FNDC3B: variants seen among roughly 807,000 people sequenced by gnomAD.
FNDC3B encodes the protein fibronectin type III domain-containing protein 3B.
Under a neutral mutation model 151.5 loss-of-function variants are expected in FNDC3B, and 12 were observed. That is an observed-to-expected ratio of 0.08 (90% confidence interval 0.05 to 0.13). FNDC3B has a LOEUF of 0.13. Ranked by LOEUF, FNDC3B falls within the 10% of genes least tolerant of loss-of-function variation. The pLI, the probability that FNDC3B is intolerant of heterozygous loss-of-function variation, is 1.00. For synonymous variants in FNDC3B, 528 were observed against 549.0 expected (o/e 0.96, Z 0.54); for missense variants, 1,214 against 1,505.3 (o/e 0.81, Z 3.20).
At position 172,251,411 on chromosome 3, in the gene FNDC3B, A is replaced by G. The variant is rs1728068605; in HGVS notation, c.660A>G (p.Thr220=). ...CTATCTACAAAAGCAGCTGCACAAC[A>G]GTATACAATGGCTATGGGAAGGGCC... is the stretch of plus-strand genomic sequence containing the variant. ...PSSIYKSSCT[T]VYNGYGKGHS... is the part of the protein sequence containing the mutation. Residue 220 remains threonine (T), a synonymous_variant, in exon 6 of 26, where the codon ACA becomes ACG. Transcript: ENST00000415807. 1.2e-6 allele frequency: 2 copies of G among 1,613,970 alleles called. No individual in the cohort carries two copies. Among genetic ancestry groups the G allele is most frequent in the Non-Finnish European group, 1.7e-6 (2 of 1,180,008 alleles).
chr3:172,060,736 G>A (rs1220321906), intron 1 of FNDC3B, among the ~76,000 whole-genome samples: 1 of 152,204 alleles, frequency 6.6e-6, no homozygotes, highest in African/African-American at 2.4e-5. Context: ...TGCTCAGCAA[G>A]TGTTTATTGA....
chr3:172,102,547 A>G (rs948048942), intron 1 of FNDC3B, among the ~76,000 whole-genome samples: 1 of 152,222 alleles, frequency 6.6e-6, no homozygotes, highest in Non-Finnish European at 1.5e-5. Flanking sequence ...GAAGTCATGT[A>G]CTTAAGCAGC....
At position 172,343,015 on chromosome 3, in the gene FNDC3B, C is replaced by G. The variant is rs1733413360; in HGVS notation, c.1976C>G (p.Ser659Cys). The stretch of plus-strand genomic sequence containing the variant: ...TCTCTGGTGTTTCTCCTGCAGTGTT[C>G]TGAAAGTCTCCCTGTTCGCACACTA... ...CISTGGHSQC[S>C]ESLPVRTLSI... The change falls in exon 18 of 26, where the codon TCT (serine) becomes TGT (cysteine). Residue 659 changes from serine (S) to cysteine (C), a missense_variant. This residue lies in a region of FNDC3B where 380 missense variants were observed against 420.9 expected (regional missense o/e 0.90). Transcript: ENST00000415807. 1 of 1,602,996 alleles carries G rather than the reference C, an allele frequency of 6.2e-7. No homozygotes were observed. Among genetic ancestry groups the G allele is most frequent in the Admixed American group, 1.7e-5 (1 of 59,988 alleles).
chr3:172,113,201 T>G (rs1379100534), intron 2 of FNDC3B, among the ~76,000 whole-genome samples: 1 of 152,254 alleles, frequency 6.6e-6, no homozygotes, highest in East Asian at 1.9e-4. Context: ...TCTCTAACAT[T>G]AATTAAAAAT....
At chr3:172,369,878 C>T (rs1734801616) in intron 23 of FNDC3B, among the ~76,000 whole-genome samples, 1 of 152,074 alleles carries the variant, frequency 6.6e-6, no homozygotes, top group Non-Finnish European at 1.5e-5. Context: ...CAAATGCCAC[C>T]TGAGTAACAT....
intron 6 of FNDC3B, among the ~76,000 whole-genome samples, chr3:172,262,931 A>G (rs76592127): frequency 0.029 from 4,245 of 147,748 alleles, 222 homozygotes; most frequent in African/African-American, 0.1. Flanking sequence ...AAGCACTAGA[A>G]AGTTGGGAGA....
chr3:172,361,906 A>C (rs535881986), intron 22 of FNDC3B, among the ~76,000 whole-genome samples: 41 of 152,334 alleles, frequency 2.7e-4, no homozygotes, highest in African/African-American at 9.9e-4. Flanking sequence ...TCCTGGACTC[A>C]GGCAATCCTC....
rs60894339 is a variant in FNDC3B at position 172,189,799 on chromosome 3, T to TAAA, written c.188-37041_188-37039dup. Among the ~76,000 whole-genome samples, 112 of 84,304 alleles carry TAAA rather than the reference T, an allele frequency of 1.3e-3. 2 individuals carry two copies. Among genetic ancestry groups the TAAA allele is most frequent in the Non-Finnish European group, 2.0e-3 (91 of 45,558 alleles). 55.3% of individuals were successfully genotyped at this position (84,304 alleles called of 152,430 possible). A position where few individuals can be genotyped will look rare whatever the true frequency, so the allele number is the denominator to read the frequency against. ...CTGGGTGACAGAGTGAGACCTTGTCTAAAAAAAAAAAAAAAAAAAAAAAAA... is the reference window on the plus strand; with the variant it reads ...CTGGGTGACAGAGTGAGACCTTGTCTAAAAAAAAAAAAAAAAAAAAAAAAAAAA... On this transcript the variant is annotated intron_variant, in intron 3 of 25. Transcript: ENST00000415807.
At chr3:172,104,578 A>G (rs1403898275) in intron 1 of FNDC3B, among the ~76,000 whole-genome samples, 1 of 152,188 alleles carries the variant, frequency 6.6e-6, no homozygotes, top group Non-Finnish European at 1.5e-5. Context: ...AAAGCACTAA[A>G]ACAACCTCTA....
intron 4 of FNDC3B, among the ~76,000 whole-genome samples, chr3:172,242,662 A>G (rs1160531493): frequency 6.6e-6 from 1 of 152,164 alleles, no homozygotes; most frequent in African/African-American, 2.4e-5. Context: ...CCTGGCCCAC[A>G]CAACCATTTT....
chr3:172,114,827 A>G (rs944658955), intron 2 of FNDC3B, among the ~76,000 whole-genome samples: 5 of 152,222 alleles, frequency 3.3e-5, no homozygotes, highest in African/African-American at 1.2e-4. Context: ...TATCTGTTTT[A>G]TAAATAGTCA....
chr3:172,173,972 G>A (rs964206892), intron 3 of FNDC3B, among the ~76,000 whole-genome samples: 12 of 152,150 alleles, frequency 7.9e-5, no homozygotes, highest in African/African-American at 2.7e-4. Flanking sequence ...GTTATTTACG[G>A]GGAAAACTCT....
chr3:172,226,040 G>C (rs1726548760), intron 3 of FNDC3B, among the ~76,000 whole-genome samples: 1 of 152,060 alleles, frequency 6.6e-6, no homozygotes, highest in Non-Finnish European at 1.5e-5. Flanking sequence ...TGGCACGGTG[G>C]CTCACAGCTG....
rs750615464 is a variant in FNDC3B at position 172,310,912 on chromosome 3, A to G, written c.1254+31A>G. The G allele has an allele frequency of 2.6e-5, 39 of 1,514,738 alleles. No homozygotes were observed. The East Asian group carries it at 8.1e-4, about 32-fold the overall frequency. 93.8% of individuals were successfully genotyped at this position (1,514,738 alleles called of 1,614,324 possible). On this transcript the variant is annotated intron_variant, in intron 11 of 25. Coordinates refer to ENST00000415807, the MANE Select transcript of FNDC3B (RefSeq NM_022763.4). ...CTTATTTTCATATTCACCCATCTAA[A>G]ACACCATTTCAAAAACAAAATTAAC...
At chr3:172,147,871 A>G (rs1181802216) in intron 3 of FNDC3B, among the ~76,000 whole-genome samples, 1 of 152,200 alleles carries the variant, frequency 6.6e-6, no homozygotes, top group Non-Finnish European at 1.5e-5. Context: ...TGGTCACCCA[A>G]TGGACAAAAG....
intron 2 of FNDC3B, among the ~76,000 whole-genome samples, chr3:172,115,788 A>G (rs1273827740): frequency 6.6e-6 from 1 of 152,174 alleles, no homozygotes; most frequent in Non-Finnish European, 1.5e-5. Flanking sequence ...CTGCCTCTGA[A>G]TATCTGTTAG....
At chr3:172,350,489 A>G (rs1023784475) in intron 21 of FNDC3B, among the ~76,000 whole-genome samples, 1 of 152,220 alleles carries the variant, frequency 6.6e-6, no homozygotes, top group Non-Finnish European at 1.5e-5. Context: ...AAATCTCGAA[A>G]TACATACTTA....
At chr3:172,242,316 A>G (rs1301923845) in intron 4 of FNDC3B, among the ~76,000 whole-genome samples, 1 of 152,194 alleles carries the variant, frequency 6.6e-6, no homozygotes, top group East Asian at 1.9e-4. Flanking sequence ...GCAGTGCCCC[A>G]GTAGGGACTT....
Position 172,367,636 on chromosome 3 carries a change from G to A in FNDC3B, c.3008+4791G>A, listed in dbSNP as rs545904113. Among the ~76,000 whole-genome samples the A allele has an allele frequency of 5.9e-5, 9 of 152,320 alleles. No individual in the cohort carries two copies. The East Asian group carries it at 1.3e-3, about 23-fold the overall frequency. On this transcript the variant is annotated intron_variant, in intron 23 of 25. Transcript: ENST00000415807. ...GCACTGTGCCGATGACTTTGAAGATGCGTTTATCTGTGTTAAATGAAATGT... is the reference window on the plus strand; with the variant it reads ...GCACTGTGCCGATGACTTTGAAGATACGTTTATCTGTGTTAAATGAAATGT...
Sources: gnomAD v4.1 joint callset for allele counts (sites outside exome capture counted in the v4.1 genomes callset) on GRCh38, gnomAD v4.1.1 for gene constraint, gnomAD v4.1.1 regional missense constraint, MANE v1.5 for transcripts, NCBI Gene and HGNC (gene_info 2026-07-23, HGNC 2026-07-21) for gene names.